Variants in PCSK5 observed in about 807,000 individuals in gnomAD.
The protein encoded by PCSK5 is proprotein convertase subtilisin/kexin type 5, also known as prohormone convertase 5.
In PCSK5, 129 loss-of-function variants were observed where a neutral mutation model predicts 233.2. That is an observed-to-expected ratio of 0.55 (90% CI 0.48 to 0.64). The LOEUF (loss-of-function observed/expected upper bound fraction) is 0.64. Among genes scored for constraint, PCSK5 ranks in the 30% least tolerant of loss-of-function variants. PCSK5 has a pLI of 0.00. For missense variants in PCSK5, 2,076 were observed against 2,430.1 expected (o/e 0.85, Z 3.06); for synonymous variants, 825 against 879.2 (o/e 0.94, Z 1.09).
chr9:75,981,220 G>A (rs1041298372), intron 2 of PCSK5, among the ~76,000 whole-genome samples: 3 of 152,012 alleles, frequency 2.0e-5, no homozygotes, highest in African/African-American at 4.8e-5. Flanking sequence ...TGTTTTTAAC[G>A]AAATGTTTAT....
At chr9:76,270,604 C>G (rs543699321) in intron 24 of PCSK5, among the ~76,000 whole-genome samples, 1 of 152,234 alleles carries the variant, frequency 6.6e-6, no homozygotes, top group African/African-American at 2.4e-5. Context: ...GGATGGAGAA[C>G]TCTTAGTTGA....
intron 24 of PCSK5, among the ~76,000 whole-genome samples, chr9:76,264,248 T>C (rs1827267717): frequency 6.6e-6 from 1 of 152,204 alleles, no homozygotes; most frequent in African/African-American, 2.4e-5. Context: ...GATAGCTGGC[T>C]AGCCATATGC....
At chr9:76,018,616 A>G (rs1324110536) in intron 3 of PCSK5, among the ~76,000 whole-genome samples, 1 of 152,180 alleles carries the variant, frequency 6.6e-6, no homozygotes, top group Non-Finnish European at 1.5e-5. Flanking sequence ...CCACAAAACC[A>G]GATCCTGGTG....
chr9:76,360,085 C>T lies in PCSK5; in HGVS notation c.*1163C>T, dbSNP rs1830404613. On this transcript the variant is annotated 3_prime_UTR_variant, in exon 38 of 38. Coordinates refer to ENST00000674117, the MANE Select transcript of PCSK5 (RefSeq NM_001372043.1). ...ATTGTAACACAGAGAAGGGCTCTTG[C>T]TATGCAAAATGATGTTGGCAGGGTC... 6.6e-6 allele frequency: 1 copy of T among 152,148 alleles called. No homozygotes were observed. The highest frequency in any genetic ancestry group is 6.6e-5 in the Admixed American group (1 of 15,260). The allele number at this position is 152,148 out of a possible 1,614,324, so 9.4% of individuals were successfully genotyped here. A position where few individuals can be genotyped will look rare whatever the true frequency, so the allele number is the denominator to read the frequency against.
chr9:76,338,428 G>A lies in PCSK5; in HGVS notation c.4947G>A (p.Pro1649=), dbSNP rs373337476. 9.9e-6 allele frequency: 16 copies of A among 1,611,272 alleles called. No homozygotes were observed. The African/African-American group carries it at 1.3e-4, about 13-fold the overall frequency. Residue 1649 remains proline (P), a synonymous_variant, in exon 35 of 38, where the codon CCG becomes CCA. Transcript: ENST00000674117. ...QSTQTCERCH[P]TCDQCKGKGA... ...CACAGACCTGTGAGAGATGCCATCCGACTTGTGATCAATGCAAAGGTGAGA... is the reference window on the plus strand; with the variant it reads ...CACAGACCTGTGAGAGATGCCATCCAACTTGTGATCAATGCAAAGGTGAGA...
At chr9:76,017,296 T>G (rs1827988353) in intron 3 of PCSK5, among the ~76,000 whole-genome samples, 1 of 152,102 alleles carries the variant, frequency 6.6e-6, no homozygotes, top group South Asian at 2.1e-4. Flanking sequence ...CCAATCTATC[T>G]CTCCAGACAA....
chr9:76,133,396 C>G (rs2131744844), intron 9 of PCSK5, among the ~76,000 whole-genome samples: 1 of 152,128 alleles, frequency 6.6e-6, no homozygotes, highest in South Asian at 2.1e-4. Flanking sequence ...CATTGCAGTT[C>G]TCCAATGAAA....
rs972754562 is a variant in PCSK5 at position 76,359,679 on chromosome 9, C to G, written c.*757C>G. The G allele has an allele frequency of 3.3e-5, 5 of 152,104 alleles. No homozygotes were observed. Among genetic ancestry groups the G allele is most frequent in the African/African-American group, 1.2e-4 (5 of 41,418 alleles). 9.4% of individuals were successfully genotyped at this position (152,104 alleles called of 1,614,324 possible). A position where few individuals can be genotyped will look rare whatever the true frequency, so the allele number is the denominator to read the frequency against. On this transcript the variant is annotated 3_prime_UTR_variant, in exon 38 of 38. Coordinates refer to ENST00000674117, the MANE Select transcript of PCSK5 (RefSeq NM_001372043.1). ...TAACTGAATTTCCAGGAACTGCACT[C>G]TCATGATTTTCTGGGTACTTTTCGC...
At chr9:75,970,221 A>G (rs982855048) in intron 2 of PCSK5, among the ~76,000 whole-genome samples, 3 of 152,142 alleles carry the variant, frequency 2.0e-5, no homozygotes, top group Admixed American at 6.5e-5. Context: ...CTTTTGCCTC[A>G]TCTTGTTAAT....
intron 3 of PCSK5, among the ~76,000 whole-genome samples, chr9:76,015,756 A>G (rs540866842): frequency 6.6e-6 from 1 of 152,188 alleles, no homozygotes; most frequent in African/African-American, 2.4e-5. Context: ...CTTCAACTTG[A>G]TGCACGGATT....
chr9:76,287,050 C>T (rs140357189), intron 24 of PCSK5: 148 of 163,054 alleles, frequency 9.1e-4, no homozygotes, highest in South Asian at 3.6e-3. Context: ...TGGTATCACC[C>T]GGATCACCGG....
rs1168451195 is a variant in PCSK5, at chr9:76,169,687, G to A, written c.1620-17G>A. On this transcript the variant is annotated splice_polypyrimidine_tract_variant and intron_variant, in intron 12 of 37. Coordinates refer to ENST00000674117, the MANE Select transcript of PCSK5 (RefSeq NM_001372043.1). ...GATTTGAAATATCGCACATAACAAT[G>A]TTTTGTTCACTTTCAGGCTATTTGA... 3.1e-6 allele frequency: 5 copies of A among 1,611,408 alleles called. No individual in the cohort carries two copies. The highest frequency in any genetic ancestry group is 1.7e-5 in the Admixed American group (1 of 59,938).
At chr9:76,164,929 A>G (rs1364638649) in intron 12 of PCSK5, among the ~76,000 whole-genome samples, 2 of 148,866 alleles carry the variant, frequency 1.3e-5, no homozygotes, top group Non-Finnish European at 3.0e-5. Flanking sequence ...GCATATTGGA[A>G]GGTTTTTTAC....
At position 76,180,075 on chromosome 9, in the gene PCSK5, A is replaced by ATG. The variant is rs1262065596; in HGVS notation, c.2003+389_2003+390dup. On this transcript the variant is annotated intron_variant, in intron 15 of 37. Coordinates refer to ENST00000674117, the MANE Select transcript of PCSK5 (RefSeq NM_001372043.1). ...TGCATAACATGATGTTTATATATATATGTGTGTGTGTGTATATATATATAT... is the reference window on the plus strand; with the variant it reads ...TGCATAACATGATGTTTATATATATATGTGTGTGTGTGTGTATATATATATAT... 7.5e-4 allele frequency among the ~76,000 whole-genome samples: 95 copies of ATG among 126,488 alleles called. No homozygotes were observed. The East Asian group carries it at 9.0e-3, about 12-fold the overall frequency. 83.0% of individuals were successfully genotyped at this position (126,488 alleles called of 152,430 possible). A position where few individuals can be genotyped will look rare whatever the true frequency, so the allele number is the denominator to read the frequency against.
At chr9:75,913,179 T>G (rs911023570) in intron 1 of PCSK5, among the ~76,000 whole-genome samples, 3 of 152,148 alleles carry the variant, frequency 2.0e-5, no homozygotes, top group Non-Finnish European at 2.9e-5. Flanking sequence ...GGTATGCTGC[T>G]GGCTGTTCCC....
At chr9:76,013,354 C>T (rs974996119) in intron 3 of PCSK5, among the ~76,000 whole-genome samples, 2 of 152,122 alleles carry the variant, frequency 1.3e-5, no homozygotes, top group Non-Finnish European at 2.9e-5. Flanking sequence ...CTCTTCCATC[C>T]CTCTGTGTCC....
chr9:76,197,644 G>A (rs1334704950), intron 20 of PCSK5, among the ~76,000 whole-genome samples: 1 of 152,180 alleles, frequency 6.6e-6, no homozygotes, highest in Non-Finnish European at 1.5e-5. Flanking sequence ...ACGGCAATGT[G>A]TTGAACAGAA....
At chr9:76,165,074 T>C (rs1280422004) in intron 12 of PCSK5, among the ~76,000 whole-genome samples, 1 of 152,186 alleles carries the variant, frequency 6.6e-6, no homozygotes, top group Non-Finnish European at 1.5e-5. Context: ...TTAAATACCC[T>C]GTATCAGAAG....
At chr9:75,985,102 C>T (rs183057297) in intron 2 of PCSK5, among the ~76,000 whole-genome samples, 2 of 152,250 alleles carry the variant, frequency 1.3e-5, no homozygotes, top group East Asian at 3.9e-4. Context: ...TGAGCTATCA[C>T]CAGAAGAAAT....
Sources: gnomAD v4.1 joint callset for allele counts (sites outside exome capture counted in the v4.1 genomes callset) on GRCh38, gnomAD v4.1.1 for gene constraint, MANE v1.5 for transcripts, NCBI Gene and HGNC (gene_info 2026-07-23, HGNC 2026-07-21) for gene names.